OR7E24: variants seen among roughly 807,000 people sequenced by gnomAD.
The protein encoded by OR7E24 is olfactory receptor 7E24.
For missense variants in OR7E24, 385 were observed against 410.3 expected (o/e 0.94, Z 0.53); for synonymous variants, 130 against 157.5 (o/e 0.83, Z 1.31).
chr19:9,213,567 G>A, the OR7E24 span: 5 of 282,092 alleles, frequency 1.8e-5, no homozygotes, highest in South Asian at 1.2e-4. Context: ...GTGGAACCCT[G>A]TCTCTACTAA....
the OR7E24 span, chr19:9,215,010 T>G: frequency 6.8e-6 from 4 of 587,810 alleles, no homozygotes; most frequent in African/African-American, 3.7e-5. Flanking sequence ...ATTTTTATTC[T>G]ATTTGTGTAG....
upstream of OR7E24, among the ~76,000 whole-genome samples, chr19:9,250,700 CCTT>C (rs1195638595): frequency 1.3e-5 from 2 of 152,152 alleles, no homozygotes; most frequent in Admixed American, 6.5e-5. Context: ...ATAGCTGACT[CCTT>C]CTTAGTATCC....
chr19:9,214,136 C>T, the OR7E24 span: 9 of 1,614,140 alleles, frequency 5.6e-6, no homozygotes, highest in African/African-American at 1.3e-5. Flanking sequence ...AGGCTTTGTA[C>T]TTGCCCTTGG....
the OR7E24 span, among the ~76,000 whole-genome samples, chr19:9,237,808 T>C: frequency 7.2e-5 from 11 of 152,222 alleles, no homozygotes; most frequent in Non-Finnish European, 1.3e-4. Context: ...GTTCTTAGTT[T>C]CCATCAGTTG....
the OR7E24 span, chr19:9,214,244 G>A: frequency 1.1e-5 from 17 of 1,614,150 alleles, no homozygotes; most frequent in African/African-American, 2.1e-4. Context: ...CCACATACAA[G>A]ACAATGTTAT....
At chr19:9,214,025 G>A in the OR7E24 span, 10 of 1,614,104 alleles carry the variant, frequency 6.2e-6, no homozygotes, top group Non-Finnish European at 8.5e-6. Flanking sequence ...AGGCGGTGGA[G>A]CTGCTCTGGG....
the OR7E24 span, among the ~76,000 whole-genome samples, chr19:9,231,572 T>A: frequency 7.0e-6 from 1 of 143,784 alleles, no homozygotes. Context: ...AGAGCAAGAC[T>A]CTGTCTCAAA....
the OR7E24 span, among the ~76,000 whole-genome samples, chr19:9,233,537 CTCT>C: frequency 2.0e-5 from 3 of 152,124 alleles, no homozygotes; most frequent in African/African-American, 7.2e-5. Flanking sequence ...ATGCTTTTTT[CTCT>C]TCTTGGAAGA....
At chr19:9,223,452 C>A in the OR7E24 span, among the ~76,000 whole-genome samples, 8 of 152,290 alleles carry the variant, frequency 5.3e-5, no homozygotes, top group South Asian at 2.1e-4. Context: ...TTTATCATAT[C>A]CAGTCCTCTA....
upstream of OR7E24, among the ~76,000 whole-genome samples, chr19:9,245,650 GGACA>G (rs772842953): frequency 1.5e-4 from 23 of 152,180 alleles, no homozygotes; most frequent in Admixed American, 9.2e-4. Flanking sequence ...AATTGAACAT[GGACA>G]CAAACAATGG....
chr19:9,229,994 A>G, the OR7E24 span, among the ~76,000 whole-genome samples: 7 of 152,224 alleles, frequency 4.6e-5, no homozygotes, highest in South Asian at 1.2e-3. Flanking sequence ...CTTTAGAGTA[A>G]TAAGCCTAGA....
At chr19:9,241,188 A>C in the OR7E24 span, among the ~76,000 whole-genome samples, 1 of 152,198 alleles carries the variant, frequency 6.6e-6, no homozygotes, top group Non-Finnish European at 1.5e-5. Flanking sequence ...TTTCCTTTGC[A>C]TCGAGTTTGT....
At chr19:9,245,681 T>C (rs2066127182), upstream of OR7E24, among the ~76,000 whole-genome samples, 2 of 152,228 alleles carry the variant, frequency 1.3e-5, no homozygotes, top group East Asian at 1.9e-4. Flanking sequence ...AGTCCTCGAA[T>C]GGGTCGTGTG....
At chr19:9,215,440 G>C in the OR7E24 span, among the ~76,000 whole-genome samples, 6 of 151,014 alleles carry the variant, frequency 4.0e-5, no homozygotes, top group South Asian at 1.3e-3. Flanking sequence ...TTCTTCTTTG[G>C]TGTGAATCTT....
chr19:9,232,525 C>A, the OR7E24 span, among the ~76,000 whole-genome samples: 10 of 120,088 alleles, frequency 8.3e-5, no homozygotes, highest in Non-Finnish European at 1.4e-4. Flanking sequence ...GCAGCAAGAG[C>A]GAAACTCCGT....
At chr19:9,227,508 T>A in the OR7E24 span, among the ~76,000 whole-genome samples, 1 of 151,690 alleles carries the variant, frequency 6.6e-6, no homozygotes, top group African/African-American at 2.4e-5. Flanking sequence ...GATTACAGAC[T>A]TGAGCCGCCA....
chr19:9,245,122 C>T (rs909109832), upstream of OR7E24, among the ~76,000 whole-genome samples: 9 of 151,956 alleles, frequency 5.9e-5, no homozygotes, highest in South Asian at 6.2e-4. Flanking sequence ...GGCTGAGTCA[C>T]GAGAATCGCT....
chr19:9,214,446 T>C, the OR7E24 span: 2 of 1,614,080 alleles, frequency 1.2e-6, no homozygotes, highest in South Asian at 1.1e-5. Flanking sequence ...GACCGTGTAG[T>C]GCAGTGGGTG....
At chr19:9,224,056 T>C in the OR7E24 span, among the ~76,000 whole-genome samples, 1 of 152,052 alleles carries the variant, frequency 6.6e-6, no homozygotes, top group African/African-American at 2.4e-5. Flanking sequence ...TTCACCATGT[T>C]AGCCAGGATG....
Sources: allele counts gnomAD v4.1 joint callset (sites outside exome capture counted in the v4.1 genomes callset), GRCh38; gene constraint gnomAD v4.1.1; transcripts MANE v1.5; gene names NCBI Gene and HGNC (gene_info 2026-07-23, HGNC 2026-07-21).